CDC16: variants seen among roughly 807,000 people sequenced by gnomAD.
CDC16 encodes the protein cell division cycle protein 16 homolog.
CDC16 carries 34 observed loss-of-function variants against 87.0 expected under a neutral mutation model. The observed-to-expected ratio is 0.39, with a 90% CI of 0.30 to 0.52. The LOEUF is 0.52. Ranked by LOEUF, CDC16 falls within the 20% of genes least tolerant of loss-of-function variation. CDC16 has a pLI of 0.74. For synonymous variants in CDC16, 263 were observed against 260.6 expected (o/e 1.01, Z -0.09); for missense variants, 653 against 751.9 (o/e 0.87, Z 1.54).
At chr13:114,239,152 T>C in intron 4 of CDC16, 124 bp downstream of exon 4, 1 of 1,455,960 alleles carries the variant, frequency 6.9e-7, no homozygotes, top group Non-Finnish European at 9.3e-7. Context: ...CATGAGGAAG[T>C]GTTCCTTTCC....
At chr13:114,245,626 AG>A (rs1258848016) in intron 9 of CDC16, 64 of 177,950 alleles carry the variant, frequency 3.6e-4, no homozygotes, top group Non-Finnish European at 3.0e-4. Flanking sequence ...ACATTTCTCA[AG>A]ATTAAATAGT....
At chr13:114,262,033 A>G (rs1326722162) in intron 15 of CDC16, 85 bp downstream of exon 15, 4 of 781,814 alleles carry the variant, frequency 5.1e-6, no homozygotes, top group Non-Finnish European at 6.2e-6. Flanking sequence ...TTCTTATTTC[A>G]TGAGATCAAC....
chr13:114,250,022 C>G (rs1391320899), intron 11 of CDC16, among the ~76,000 whole-genome samples: 1 of 152,108 alleles, frequency 6.6e-6, no homozygotes. Flanking sequence ...ATAAAATTAA[C>G]AATTCAAGAA....
At chr13:114,263,170 T>G (rs890462294) in intron 16 of CDC16, among the ~76,000 whole-genome samples, 156 bp downstream of exon 16, 1 of 152,210 alleles carries the variant, frequency 6.6e-6, no homozygotes, top group Non-Finnish European at 1.5e-5. Context: ...AGCATGTGGG[T>G]GTTGTACAGT....
chr13:114,267,908 G>A (rs970268713), intron 17 of CDC16, among the ~76,000 whole-genome samples: 2 of 152,166 alleles, frequency 1.3e-5, no homozygotes, highest in Admixed American at 1.3e-4. Flanking sequence ...CCAGAGTGTG[G>A]CCCCAGCCAG....
chr13:114,255,620 C>T (rs2082448828), intron 12 of CDC16, among the ~76,000 whole-genome samples: 2 of 152,134 alleles, frequency 1.3e-5, no homozygotes, highest in East Asian at 1.9e-4. Context: ...ATCCCAGACA[C>T]TTCTGGTCTC....
chr13:114,249,332 CT>C (rs76466651), intron 11 of CDC16, among the ~76,000 whole-genome samples: 47,558 of 146,842 alleles, frequency 0.32, 9,274 homozygotes, highest in African/African-American at 0.56. Context: ...ACAGATTAAG[CT>C]TTTTTTTTTT....
At chr13:114,243,016 G>A (rs1237365318) in intron 6 of CDC16, among the ~76,000 whole-genome samples, 2 of 152,132 alleles carry the variant, frequency 1.3e-5, no homozygotes, top group African/African-American at 4.8e-5. Flanking sequence ...GTGGTTCTTA[G>A]GTGACAAGAG....
In CDC16 at chr13:114,243,298, A is replaced by G. The variant is rs2081654689; in HGVS notation, c.583A>G (p.Asn195Asp). Reference protein sequence around the residue: ...LESLPLSKLCNEEQELLRFLF... With the variant: ...LESLPLSKLCDEEQELLRFLF... ...ATCACTACCCCTTAGCAAGCTGTGT[A>G]ATGAAGAACAGGAATTGCTGCGTTT... Residue 195 changes from asparagine to aspartate, a missense_variant, in exon 7 of 18, where the codon AAT becomes GAT. Physicochemically the swap from Asn to Asp is conservative, Grantham distance 23. Coordinates refer to ENST00000356221, the MANE Select transcript of CDC16 (RefSeq NM_001078645.3). 6.3e-7 allele frequency: 1 copy of G among 1,595,046 alleles called. No homozygotes were observed. The highest frequency in any genetic ancestry group is 1.7e-5 in the Admixed American group (1 of 59,842).
intron 14 of CDC16, among the ~76,000 whole-genome samples, chr13:114,261,390 T>C (rs1382322059): frequency 1.3e-5 from 2 of 151,962 alleles, no homozygotes; most frequent in African/African-American, 4.8e-5. Flanking sequence ...GTTGGAGTTA[T>C]GCCTAGCAAT....
chr13:114,242,957 C>T (rs2081632100), intron 6 of CDC16, among the ~76,000 whole-genome samples: 1 of 152,108 alleles, frequency 6.6e-6, no homozygotes, highest in African/African-American at 2.4e-5. Flanking sequence ...ACACAGGCTC[C>T]CCTGTTCCCA....
chr13:114,247,230 T>G, intron 11 of CDC16: 1 of 512,974 alleles, frequency 1.9e-6, no homozygotes, highest in Non-Finnish European at 3.5e-6. Context: ...CAGACTAGAG[T>G]GCAGTGGTGC....
At chr13:114,266,437 A>G (rs1594682765) in intron 17 of CDC16, among the ~76,000 whole-genome samples, 2 of 152,218 alleles carry the variant, frequency 1.3e-5, no homozygotes, top group East Asian at 3.8e-4. Flanking sequence ...AAGTTGGATA[A>G]ACTGAGGCAC....
At chr13:114,244,750 G>A (rs1287594236) in intron 8 of CDC16, 140 bp from the exon 9 acceptor site, 16 of 491,896 alleles carry the variant, frequency 3.3e-5, no homozygotes, top group Non-Finnish European at 5.5e-5. Flanking sequence ...TCAACCTGAA[G>A]ATAATGGAGT....
intron 17 of CDC16, among the ~76,000 whole-genome samples, chr13:114,267,398 G>C (rs2083296284): frequency 6.6e-6 from 1 of 152,150 alleles, no homozygotes; most frequent in South Asian, 2.1e-4. Context: ...CTACTCAGGA[G>C]GCTGAGGCAG....
chr13:114,244,564 C>A, intron 8 of CDC16: 1 of 198,074 alleles, frequency 5.0e-6, no homozygotes, highest in Non-Finnish European at 1.0e-5. Context: ...ATTTTTGCAC[C>A]AACCTAATAG....
At chr13:114,237,775 G>A (rs933537709) in intron 3 of CDC16, among the ~76,000 whole-genome samples, 25 of 151,956 alleles carry the variant, frequency 1.6e-4, no homozygotes, top group Middle Eastern at 3.2e-3. Context: ...TGTCTGTTCT[G>A]TTACAGCCTC....
intron 17 of CDC16, among the ~76,000 whole-genome samples, chr13:114,271,340 A>C (rs1166392347): frequency 4.6e-5 from 7 of 152,208 alleles, no homozygotes. Context: ...TTTATGTCGA[A>C]TGATTGTACC....
intron 12 of CDC16, among the ~76,000 whole-genome samples, chr13:114,255,605 C>A (rs558212529): frequency 6.6e-6 from 1 of 151,810 alleles, no homozygotes; most frequent in South Asian, 2.1e-4. Flanking sequence ...AAAAAAAAAC[C>A]TGAAATCCCA....
Sources: allele counts gnomAD v4.1 joint callset (sites outside exome capture counted in the v4.1 genomes callset), GRCh38; gene constraint gnomAD v4.1.1; transcripts MANE v1.5; gene names NCBI Gene and HGNC (gene_info 2026-07-23, HGNC 2026-07-21).